UTRN: variants seen among roughly 807,000 people sequenced by gnomAD.
The protein encoded by UTRN is utrophin.
UTRN carries 283 observed loss-of-function variants against 463.9 expected under a neutral mutation model. The ratio of observed to expected loss-of-function variants is 0.61; its 90% CI spans 0.55 to 0.67. The LOEUF (loss-of-function observed/expected upper bound fraction) is 0.67. Ranked by LOEUF, UTRN falls within the 30% of genes least tolerant of loss-of-function variation. The pLI is 0.00. For missense variants in UTRN, 3,922 were observed against 4,084.3 expected (o/e 0.96, Z 1.08); for synonymous variants, 1,442 against 1,431.5 (o/e 1.01, Z -0.17).
At chr6:144,614,899 A>G (rs12209889) in intron 51 of UTRN, among the ~76,000 whole-genome samples, 21,869 of 152,200 alleles carry the variant, frequency 0.14, 2,046 homozygotes, top group South Asian at 0.31. Flanking sequence ...ACCTTAAACA[A>G]AGATAACGTG....
chr6:144,812,331 A>G (rs1778694012), intron 65 of UTRN, among the ~76,000 whole-genome samples: 1 of 152,158 alleles, frequency 6.6e-6, no homozygotes, highest in Non-Finnish European at 1.5e-5. Flanking sequence ...CCGTTTATTC[A>G]AGGATCACTT....
At chr6:144,754,890 ATATGT>A (rs1301552863) in intron 57 of UTRN, 92 bp downstream of exon 57, 7 of 1,261,020 alleles carry the variant, frequency 5.6e-6, no homozygotes, top group Non-Finnish European at 7.9e-6. Flanking sequence ...CTTGCTATAA[ATATGT>A]TTATTTAGAT....
chr6:144,822,440 C>A (rs1466768854), intron 66 of UTRN, among the ~76,000 whole-genome samples: 1 of 152,068 alleles, frequency 6.6e-6, no homozygotes, highest in African/African-American at 2.4e-5. Flanking sequence ...GAAAAAATTT[C>A]AACTGTGTGA....
chr6:144,686,746 A>G (rs1208487081), intron 52 of UTRN, among the ~76,000 whole-genome samples: 1 of 152,056 alleles, frequency 6.6e-6, no homozygotes, highest in Admixed American at 6.6e-5. Context: ...TTCGCATGTC[A>G]TATTTTCTTC....
intron 34 of UTRN, among the ~76,000 whole-genome samples, chr6:144,506,591 C>T (rs1794711441): frequency 6.6e-6 from 1 of 152,174 alleles, no homozygotes; most frequent in Non-Finnish European, 1.5e-5. Context: ...TATTAGCCCC[C>T]ATTCTCTTCT....
intron 13 of UTRN, among the ~76,000 whole-genome samples, chr6:144,442,251 C>A (rs1787255473): frequency 6.6e-6 from 1 of 152,122 alleles, no homozygotes; most frequent in Non-Finnish European, 1.5e-5. Context: ...AAACTGAATG[C>A]CTTTAACAGC....
At chr6:144,732,243 T>TATATATATATATATATATAC (rs1788671261) in intron 54 of UTRN, among the ~76,000 whole-genome samples, 43 of 100,970 alleles carry the variant, frequency 4.3e-4, no homozygotes, top group Middle Eastern at 4.2e-3. Flanking sequence ...TATATACATA[T>TATATATATATATATATATAC]ATATATATAT....
At chr6:144,313,314 A>T (rs1775059988) in intron 2 of UTRN, among the ~76,000 whole-genome samples, 1 of 151,862 alleles carries the variant, frequency 6.6e-6, no homozygotes, top group Non-Finnish European at 1.5e-5. Flanking sequence ...GTGCTGAGCT[A>T]GAACTGTGGG....
At position 144,774,278 on chromosome 6, in the gene UTRN, T is replaced by C; in HGVS notation, c.8558-12T>C. The C allele has an allele frequency of 6.3e-7, 1 of 1,593,864 alleles. No individual in the cohort carries two copies. The highest frequency in any genetic ancestry group is 8.5e-7 in the Non-Finnish European group (1 of 1,173,894). ...TAAGCCTATCTTCAAATTGTTTCTT[T>C]TTCTATTTCAGCTGACCTGAATAAT... On this transcript the variant is annotated splice_polypyrimidine_tract_variant and intron_variant, in intron 59 of 74. Coordinates refer to ENST00000367545, the MANE Select transcript of UTRN (RefSeq NM_007124.3).
intron 2 of UTRN, among the ~76,000 whole-genome samples, chr6:144,316,738 A>G (rs540346948): frequency 1.3e-5 from 2 of 152,288 alleles, no homozygotes; most frequent in Admixed American, 1.3e-4. Context: ...CAAATATATT[A>G]TTTCATTTAC....
intron 23 of UTRN, among the ~76,000 whole-genome samples, chr6:144,471,627 A>G (rs1226198308): frequency 6.6e-6 from 1 of 152,200 alleles, no homozygotes; most frequent in East Asian, 1.9e-4. Flanking sequence ...GAAGCCTTCT[A>G]TGCTAAGACC....
chr6:144,697,066 C>T (rs1482178226), intron 52 of UTRN, among the ~76,000 whole-genome samples: 1 of 152,038 alleles, frequency 6.6e-6, no homozygotes, highest in Non-Finnish European at 1.5e-5. Context: ...TAACTGGTCA[C>T]TTAAAAATAC....
At chr6:144,524,293 T>C (rs981917265) in intron 41 of UTRN, among the ~76,000 whole-genome samples, 80 of 152,180 alleles carry the variant, frequency 5.3e-4, no homozygotes, top group African/African-American at 1.8e-3. Context: ...GCTTGATCAT[T>C]AGATGAAGAC....
At chr6:144,772,186 G>A (rs1044181112) in intron 59 of UTRN, among the ~76,000 whole-genome samples, 6 of 150,986 alleles carry the variant, frequency 4.0e-5, no homozygotes, top group African/African-American at 7.3e-5. Context: ...GGCGCCCGCC[G>A]CCACTCCCAG....
intron 2 of UTRN, among the ~76,000 whole-genome samples, chr6:144,310,001 A>G (rs948773998): frequency 2.6e-5 from 4 of 152,178 alleles, no homozygotes; most frequent in African/African-American, 4.8e-5. Flanking sequence ...TTCCCTCATT[A>G]GCCCTCTCCA....
chr6:144,757,499 A>G (rs1792136461), intron 57 of UTRN, among the ~76,000 whole-genome samples: 1 of 152,124 alleles, frequency 6.6e-6, no homozygotes. Context: ...TACGATGCAA[A>G]GTAAACAATG....
intron 7 of UTRN, 38 bp from the exon 8 acceptor site, chr6:144,428,740 A>G: frequency 8.3e-7 from 1 of 1,197,926 alleles, no homozygotes; most frequent in Non-Finnish European, 1.2e-6. Context: ...GTTTCCACAT[A>G]TTTCATCTTC....
chr6:144,765,660 T>G (rs1381955646), intron 58 of UTRN, among the ~76,000 whole-genome samples: 5 of 152,154 alleles, frequency 3.3e-5, no homozygotes, highest in African/African-American at 4.8e-5. Flanking sequence ...GTCCTCCTGC[T>G]TTGGCCTCCC....
chr6:144,356,345 T>C (rs9496944), intron 2 of UTRN, among the ~76,000 whole-genome samples: 15,172 of 152,156 alleles, frequency 0.1, 2,261 homozygotes, highest in African/African-American at 0.32. Flanking sequence ...CTGACACATT[T>C]CTATTAATGT....
Sources: gnomAD v4.1 joint callset for allele counts (sites outside exome capture counted in the v4.1 genomes callset) on GRCh38, gnomAD v4.1.1 for gene constraint, MANE v1.5 for transcripts, NCBI Gene and HGNC (gene_info 2026-07-23, HGNC 2026-07-21) for gene names.